UGGT1: variants seen among roughly 807,000 people sequenced by gnomAD.
The protein encoded by UGGT1 is UDP-glucose:glycoprotein glucosyltransferase 1.
Under a neutral mutation model 203.9 loss-of-function variants are expected in UGGT1, and 107 were observed. The ratio of observed to expected loss-of-function variants is 0.52; its 90% CI spans 0.45 to 0.62. UGGT1 has a LOEUF of 0.62. UGGT1 is among the 20% of genes least tolerant of loss of function. The probability of loss-of-function intolerance (pLI) is 0.00; values close to 1 mark genes in which losing one functional copy is unlikely to be tolerated. For missense variants in UGGT1, 1,673 were observed against 1,867.2 expected, an observed-to-expected ratio of 0.90 and a Z score of 1.92; for synonymous variants, 628 against 653.5, an observed-to-expected ratio of 0.96 and a Z score of 0.59.
intron 13 of UGGT1, among the ~76,000 whole-genome samples, 178 bp downstream of exon 13, chr2:128,129,357 A>C (rs560152375): frequency 1.3e-5 from 2 of 152,076 alleles, no homozygotes; most frequent in Admixed American, 1.3e-4. Context: ...TAAATGCTTC[A>C]AAAAGTTGAG....
Position 128,195,180 on chromosome 2 carries a change from T to G in UGGT1, c.*5438T>G, listed in dbSNP as rs917504236. On this transcript the variant is annotated 3_prime_UTR_variant, in exon 41 of 41. Transcript: ENST00000259253. ...TTGAGGATTTGCAAGCAAAAGGTCC[T>G]CTCCTGAGTCTTTCCCAGATACCCA... is the stretch of plus-strand genomic sequence containing the variant. The G allele has an allele frequency of 5.3e-5, 8 of 152,208 alleles. No homozygotes were observed. 9.4% of individuals were successfully genotyped at this position (152,208 alleles called of 1,614,324 possible). A position where few individuals can be genotyped will look rare whatever the true frequency, so the allele number is the denominator to read the frequency against.
At position 128,091,301 on chromosome 2, in the gene UGGT1, C is replaced by T. The variant is rs1686845670; in HGVS notation, c.-57C>T. The T allele has an allele frequency of 2.7e-6, 4 of 1,484,578 alleles. No homozygotes were observed. The highest frequency in any genetic ancestry group is 1.3e-5 in the South Asian group (1 of 79,134). 92.0% of individuals were successfully genotyped at this position (1,484,578 alleles called of 1,614,324 possible). On this transcript the variant is annotated 5_prime_UTR_variant, in exon 1 of 41. Transcript: ENST00000259253. The stretch of plus-strand genomic sequence containing the variant: ...AGCCTGCACTGCCGCTGCCGCCTCG[C>T]CCCGCCCTGCCCTGGCGTTGTCTCT...
chr2:128,121,864 A>G (rs1688398105), intron 10 of UGGT1, among the ~76,000 whole-genome samples: 1 of 152,154 alleles, frequency 6.6e-6, no homozygotes, highest in Non-Finnish European at 1.5e-5. Context: ...CAAATAAACA[A>G]CCTCAGTTTC....
chr2:128,140,420 T>C (rs980220667), intron 16 of UGGT1: 3 of 152,536 alleles, frequency 2.0e-5, no homozygotes, highest in Non-Finnish European at 4.4e-5. Context: ...ACCAGCACAC[T>C]GCTGTGGGTC....
rs1687028027 is a variant in UGGT1 at position 128,094,733 on chromosome 2, AT to A, written c.59-2695del. Among the ~76,000 whole-genome samples the A allele has an allele frequency of 1.1e-4, 14 of 127,964 alleles. 1 individual carries two copies. The South Asian group carries it at 3.5e-3, about 32-fold the overall frequency. 83.9% of individuals were successfully genotyped at this position (127,964 alleles called of 152,430 possible). ...GGTGTCTATGGTTAGTCCTAAGAGA[AT>A]GCTTTTTTTTTTTTTTTTTTTTTTT... On this transcript the variant is annotated intron_variant, in intron 1 of 40. Coordinates refer to ENST00000259253, the MANE Select transcript of UGGT1 (RefSeq NM_020120.4).
intron 12 of UGGT1, among the ~76,000 whole-genome samples, chr2:128,128,315 C>CT (rs11453340): frequency 0.73 from 103,541 of 141,010 alleles, 38,285 homozygotes; most frequent in East Asian, 0.81. Context: ...TCCTTTCTAT[C>CT]TTTTTTTTTT....
At chr2:128,174,750 C>T (rs766625818) in intron 30 of UGGT1, 23 bp from the exon 31 acceptor site, 4 of 1,594,758 alleles carry the variant, frequency 2.5e-6, no homozygotes, top group Non-Finnish European at 3.4e-6. Flanking sequence ...AGAGAGCTAA[C>T]TGGACTTTTC....
At position 128,170,357 on chromosome 2, in the gene UGGT1, C is replaced by T; in HGVS notation, c.2991C>T (p.Thr997=). The T allele has an allele frequency of 6.2e-7, 1 of 1,614,154 alleles. No homozygotes were observed. The change falls in exon 27 of 41, where the codon ACC becomes ACT. Residue 997 remains threonine, a synonymous_variant. Coordinates refer to ENST00000259253, the MANE Select transcript of UGGT1 (RefSeq NM_020120.4). ...TTGTGGCTGTCGTTGACCCTGTCAC[C>T]AGAGAAGCACAGAGACTTGCTCCTT... is the stretch of plus-strand genomic sequence containing the variant. ...FDVVAVVDPV[T]REAQRLAPLL...
At chr2:128,109,583 C>G (rs1687758314) in intron 4 of UGGT1, 51 bp from the exon 5 acceptor site, 1 of 1,415,862 alleles carries the variant, frequency 7.1e-7, no homozygotes. Flanking sequence ...ATGTCTTTAT[C>G]TCGTCTTTGG....
Position 128,186,670 on chromosome 2 carries a change from T to A in UGGT1, c.4360-13T>A. 6.3e-7 allele frequency: 1 copy of A among 1,581,600 alleles called. No individual in the cohort carries two copies. Among genetic ancestry groups the A allele is most frequent in the Admixed American group, 1.8e-5 (1 of 55,302 alleles). On this transcript the variant is annotated splice_polypyrimidine_tract_variant and intron_variant, in intron 38 of 40. Coordinates refer to ENST00000259253, the MANE Select transcript of UGGT1 (RefSeq NM_020120.4). ...TACATGTATTTTATTTTTATTTTTT[T>A]TTAACCAAACAGGATCTGCCCAATA...
intron 19 of UGGT1, among the ~76,000 whole-genome samples, chr2:128,154,722 A>C (rs1409832946): frequency 6.6e-6 from 1 of 151,924 alleles, no homozygotes; most frequent in East Asian, 1.9e-4. Context: ...TAGATGGATG[A>C]GCATGTGCAC....
chr2:128,111,539 T>C (rs1687849050), intron 5 of UGGT1, among the ~76,000 whole-genome samples: 1 of 152,112 alleles, frequency 6.6e-6, no homozygotes, highest in Non-Finnish European at 1.5e-5. Flanking sequence ...GGAGTCTCGC[T>C]CTGTCGCCCA....
rs902508496 is a variant in UGGT1 at position 128,195,085 on chromosome 2, G to C, written c.*5343G>C. ...TGGTCGGTATTTGCAAGCGCCGGGC[G>C]TGGTGGCTCACGCCTGTAATCCTAG... On this transcript the variant is annotated 3_prime_UTR_variant, in exon 41 of 41. Transcript: ENST00000259253. The C allele has an allele frequency of 2.6e-5, 4 of 152,206 alleles. No individual in the cohort carries two copies. Among genetic ancestry groups the C allele is most frequent in the African/African-American group, 9.7e-5 (4 of 41,444 alleles). 9.4% of individuals were successfully genotyped at this position (152,206 alleles called of 1,614,324 possible).
At chr2:128,150,885 T>G (rs1689929933) in intron 18 of UGGT1, among the ~76,000 whole-genome samples, 1 of 152,040 alleles carries the variant, frequency 6.6e-6, no homozygotes, top group Non-Finnish European at 1.5e-5. Context: ...GAGCCTCGCT[T>G]TGTCACCCAG....
At position 128,178,492 on chromosome 2, in the gene UGGT1, G is replaced by A; in HGVS notation, c.3738G>A (p.Glu1246=). ...GGGGCTTTACAGGACAGAAGACTGA[G>A]GAAGTGAAGCAAGATAAAGATGACA... ...FKWGFTGQKT[E]EVKQDKDDII... Residue 1246 remains glutamate (E), a synonymous_variant, in exon 34 of 41, where the codon GAG becomes GAA. Transcript: ENST00000259253. 4.3e-6 allele frequency: 7 copies of A among 1,613,838 alleles called. No individual in the cohort carries two copies. Among genetic ancestry groups the A allele is most frequent in the Non-Finnish European group, 5.9e-6 (7 of 1,179,976 alleles).
At chr2:128,133,113 A>T (rs751767505) in intron 13 of UGGT1, 28 bp from the exon 14 acceptor site, 3 of 1,611,780 alleles carry the variant, frequency 1.9e-6, no homozygotes, top group Non-Finnish European at 2.5e-6. Flanking sequence ...CCTAATGTGC[A>T]TGTATCCTGT....
intron 2 of UGGT1, among the ~76,000 whole-genome samples, chr2:128,100,038 TA>T (rs1687304534): frequency 4.2e-5 from 4 of 95,356 alleles, no homozygotes; most frequent in African/African-American, 4.3e-5. Flanking sequence ...CCACCCTACT[TA>T]TTTTTTTTGA....
At chr2:128,122,712 C>G (rs956765537) in intron 10 of UGGT1, among the ~76,000 whole-genome samples, 1 of 152,124 alleles carries the variant, frequency 6.6e-6, no homozygotes, top group African/African-American at 2.4e-5. Context: ...GTTTTGACTT[C>G]TGATGTGAGA....
rs143131787 is a variant in UGGT1 at position 128,093,782 on chromosome 2, A to G, written c.58+2367A>G. Among the ~76,000 whole-genome samples, 668 of 152,306 alleles carry G rather than the reference A, an allele frequency of 4.4e-3. 2 individuals carry two copies. Among genetic ancestry groups the G allele is most frequent in the African/African-American group, 0.015 (635 of 41,570 alleles). The stretch of plus-strand genomic sequence containing the variant: ...CTGCTATTTATTAGTTAGGCAAGGT[A>G]CTCAGCATCTTCGAGCTTTCACTTA... On this transcript the variant is annotated intron_variant, in intron 1 of 40. Coordinates refer to ENST00000259253, the MANE Select transcript of UGGT1 (RefSeq NM_020120.4).
Sources: gnomAD v4.1 joint callset for allele counts (sites outside exome capture counted in the v4.1 genomes callset) on GRCh38, gnomAD v4.1.1 for gene constraint, MANE v1.5 for transcripts, NCBI Gene and HGNC (gene_info 2026-07-23, HGNC 2026-07-21) for gene names.